CORO1C: variants seen among roughly 807,000 people sequenced by gnomAD.
The protein encoded by CORO1C is coronin-1C.
Under a neutral mutation model 51.2 loss-of-function variants are expected in CORO1C, and 14 were observed. That is an observed-to-expected ratio of 0.27 (90% CI 0.18 to 0.43). The LOEUF is 0.43. Among genes scored for constraint, CORO1C ranks in the 20% least tolerant of loss-of-function variants. The pLI is 1.00. For missense variants in CORO1C, 417 were observed against 607.8 expected (o/e 0.69, Z 3.30); for synonymous variants, 181 against 210.5 (o/e 0.86, Z 1.21).
intron 1 of CORO1C, among the ~76,000 whole-genome samples, chr12:108,718,040 A>G (rs957744151): frequency 2.0e-5 from 3 of 152,062 alleles, no homozygotes; most frequent in African/African-American, 7.2e-5. Context: ...CAATATTGTG[A>G]AACCCCATCT....
intron 1 of CORO1C, among the ~76,000 whole-genome samples, chr12:108,722,557 T>C (rs2035496726): frequency 6.6e-6 from 1 of 152,220 alleles, no homozygotes; most frequent in South Asian, 2.1e-4. Flanking sequence ...TTTCAAAAAC[T>C]GCTGTGAATT....
At chr12:108,650,061 A>G (rs1408359828) in intron 8 of CORO1C, among the ~76,000 whole-genome samples, 1 of 151,814 alleles carries the variant, frequency 6.6e-6, no homozygotes, top group African/African-American at 2.4e-5. Flanking sequence ...AAAGCTGAGT[A>G]GAGCTCAGGG....
chr12:108,661,555 T>C (rs115220426), intron 4 of CORO1C, among the ~76,000 whole-genome samples: 2,016 of 152,292 alleles, frequency 0.013, 40 homozygotes, highest in African/African-American at 0.046. Flanking sequence ...TTTGTTTATA[T>C]ATGTTCTCTA....
At chr12:108,703,740 C>T (rs1236259906) in intron 1 of CORO1C, among the ~76,000 whole-genome samples, 1 of 150,158 alleles carries the variant, frequency 6.7e-6, no homozygotes, top group Non-Finnish European at 1.5e-5. Context: ...CTGGCCTGCC[C>T]TCTCCCCAGC....
chr12:108,701,022 T>C (rs2034850762), intron 2 of CORO1C, 102 bp downstream of exon 2: 4 of 1,288,562 alleles, frequency 3.1e-6, no homozygotes, highest in Admixed American at 1.7e-5. Flanking sequence ...CAGAGTCTAA[T>C]GGTTTCACAA....
At chr12:108,708,974 C>T (rs865807017) in intron 1 of CORO1C, among the ~76,000 whole-genome samples, 5 of 151,958 alleles carry the variant, frequency 3.3e-5, no homozygotes, top group Non-Finnish European at 5.9e-5. Flanking sequence ...TGGTCTCTAA[C>T]TAATTGCTGG....
intron 1 of CORO1C, among the ~76,000 whole-genome samples, chr12:108,703,935 T>C (rs1427012047): frequency 6.6e-6 from 1 of 152,134 alleles, no homozygotes; most frequent in Non-Finnish European, 1.5e-5. Flanking sequence ...AGGTCCACCA[T>C]TCAATGTGCC....
rs1376600575 is a variant in CORO1C, at chr12:108,674,554, A to T, written c.318+3718T>A. On this transcript the variant is annotated intron_variant, in intron 3 of 10. Coordinates refer to ENST00000261401, the MANE Select transcript of CORO1C (RefSeq NM_014325.4). ...CAGAGCGAGACTCCGTCTCAATTTAAAAAAAAAAAAAAAAAAAACCTTCTG... is the reference window on the plus strand; with the variant it reads ...CAGAGCGAGACTCCGTCTCAATTTATAAAAAAAAAAAAAAAAAACCTTCTG... 2.2e-4 allele frequency among the ~76,000 whole-genome samples: 9 copies of T among 40,414 alleles called. 1 individual carries two copies. The South Asian group carries it at 0.019, about 83-fold the overall frequency. 26.5% of individuals were successfully genotyped at this position (40,414 alleles called of 152,430 possible).
intron 1 of CORO1C, among the ~76,000 whole-genome samples, chr12:108,729,452 G>C (rs1278215334): frequency 2.0e-5 from 3 of 152,070 alleles, no homozygotes; most frequent in Non-Finnish European, 4.4e-5. Flanking sequence ...AAATAAATAT[G>C]GACAAGATAG....
chr12:108,684,310 C>G (rs1321111468), intron 2 of CORO1C, among the ~76,000 whole-genome samples: 5 of 152,130 alleles, frequency 3.3e-5, no homozygotes, highest in African/African-American at 9.7e-5. Context: ...ACAAGGATGT[C>G]AGGAAAGAGG....
intron 1 of CORO1C, among the ~76,000 whole-genome samples, chr12:108,715,465 T>C (rs904372716): frequency 6.6e-6 from 1 of 152,196 alleles, no homozygotes; most frequent in Non-Finnish European, 1.5e-5. Context: ...ACAGAGATAA[T>C]GTGCAAGGAT....
chr12:108,654,479 C>T, intron 6 of CORO1C, 69 bp from the exon 7 acceptor site: 4 of 851,952 alleles, frequency 4.7e-6, no homozygotes. Flanking sequence ...ATTTTTATAA[C>T]CTTATTATAT....
At chr12:108,648,876 G>A in intron 9 of CORO1C, 26 bp from the exon 10 acceptor site, 1 of 1,613,608 alleles carries the variant, frequency 6.2e-7, no homozygotes, top group East Asian at 2.2e-5. Flanking sequence ...GGCACCCGTG[G>A]GTAAGGAAGA....
chr12:108,711,280 G>A (rs1036199240), intron 1 of CORO1C, among the ~76,000 whole-genome samples: 1 of 152,102 alleles, frequency 6.6e-6, no homozygotes, highest in Admixed American at 6.5e-5. Context: ...TGAGGTGGGA[G>A]GACTGCTTGA....
chr12:108,657,537 G>C (rs2033080524), intron 5 of CORO1C, 114 bp from the exon 6 acceptor site: 3 of 1,127,878 alleles, frequency 2.7e-6, no homozygotes, highest in Non-Finnish European at 3.8e-6. Context: ...ACCTGGGTGT[G>C]GGAGGGAGGT....
intron 2 of CORO1C, among the ~76,000 whole-genome samples, chr12:108,699,926 G>T (rs982387497): frequency 6.6e-6 from 1 of 152,116 alleles, no homozygotes; most frequent in Non-Finnish European, 1.5e-5. Flanking sequence ...TCTGGCCACT[G>T]AAGTAAAAAT....
At chr12:108,704,775 T>C (rs1417499604) in intron 1 of CORO1C, among the ~76,000 whole-genome samples, 1 of 152,194 alleles carries the variant, frequency 6.6e-6, no homozygotes, top group Non-Finnish European at 1.5e-5. Context: ...AGGCACACAA[T>C]AGAGTATAGC....
At chr12:108,692,575 G>A (rs914263084) in intron 2 of CORO1C, among the ~76,000 whole-genome samples, 5 of 152,184 alleles carry the variant, frequency 3.3e-5, no homozygotes, top group South Asian at 2.1e-4. Context: ...TCAGCACGGC[G>A]CCTGGCACTT....
At position 108,678,372 on chromosome 12, in the gene CORO1C, T is replaced by C; in HGVS notation, c.218A>G (p.Tyr73Cys). The C allele has an allele frequency of 6.3e-7, 1 of 1,595,690 alleles. No homozygotes were observed. The highest frequency in any genetic ancestry group is 1.1e-5 in the South Asian group (1 of 88,576). ...LHKTGRIDKS[Y>C]PTVCGHTGPV... ...TCCTGTGTGGCCACATACTGTAGGG[T>C]AAGATTTGTCAATTCGACCAGTCTG... Residue 73 changes from tyrosine (Y) to cysteine (C), a missense_variant, in exon 3 of 11, where the codon TAC becomes TGC. Transcript: ENST00000261401.
Sources: allele counts gnomAD v4.1 joint callset (sites outside exome capture counted in the v4.1 genomes callset), GRCh38; gene constraint gnomAD v4.1.1; transcripts MANE v1.5; gene names NCBI Gene and HGNC (gene_info 2026-07-23, HGNC 2026-07-21).